GPC3: variants seen among roughly 807,000 people sequenced by gnomAD.
The protein encoded by GPC3 is glypican-3.
A neutral mutation model predicts 34.4 loss-of-function variants in GPC3; 3 were observed. The observed-to-expected ratio is 0.09, with a 90% CI of 0.04 to 0.23. GPC3 has a LOEUF of 0.23. Ranked by LOEUF, GPC3 falls within the 10% of genes least tolerant of loss-of-function variation. The pLI is 1.00. For synonymous variants in GPC3, 177 were observed against 174.0 expected (o/e 1.02, Z -0.13); for missense variants, 351 against 445.6 (o/e 0.79, Z 1.91).
chrX:133,799,130 G>A (rs2075596601), intron 2 of GPC3, among the ~76,000 whole-genome samples: 1 of 112,198 alleles, frequency 8.9e-6, no homozygotes, highest in African/African-American at 3.2e-5. Flanking sequence ...GGTGGCTCAC[G>A]CCTGTAATCT....
chrX:133,796,494 G>C (rs990206432), intron 2 of GPC3, among the ~76,000 whole-genome samples: 1 of 111,868 alleles, frequency 8.9e-6, no homozygotes, highest in Non-Finnish European at 1.9e-5. Context: ...ACAGTAATTA[G>C]AAATTGGGTA....
chrX:133,874,068 C>T (rs910281484), intron 2 of GPC3, among the ~76,000 whole-genome samples: 1 of 111,141 alleles, frequency 9.0e-6, no homozygotes. Flanking sequence ...ATCCAACTTG[C>T]ACCAAAAAAA....
intron 2 of GPC3, among the ~76,000 whole-genome samples, chrX:133,772,146 C>A (rs2071928461): frequency 9.0e-6 from 1 of 111,669 alleles, no homozygotes; most frequent in Admixed American, 9.5e-5. Context: ...AAGAAAAAAA[C>A]TAAACTAAAG....
intron 1 of GPC3, among the ~76,000 whole-genome samples, chrX:133,953,613 T>C (rs765271058): frequency 8.9e-5 from 10 of 112,165 alleles, no homozygotes; most frequent in African/African-American, 2.3e-4. Context: ...CAAGAAACAA[T>C]TTTCAAAATT....
intron 2 of GPC3, among the ~76,000 whole-genome samples, chrX:133,808,135 G>A (rs1402272897): frequency 8.9e-6 from 1 of 112,474 alleles, no homozygotes; most frequent in African/African-American, 3.2e-5. Flanking sequence ...CATGACTTGG[G>A]TACACTATTA....
chrX:133,544,726 C>G (rs1175400381), intron 7 of GPC3, among the ~76,000 whole-genome samples: 1 of 111,598 alleles, frequency 9.0e-6, no homozygotes, highest in African/African-American at 3.3e-5. Context: ...GAGACAGGGT[C>G]TTGCTCTGTT....
chrX:133,951,923 G>A (rs2076394712), intron 2 of GPC3, among the ~76,000 whole-genome samples: 2 of 111,016 alleles, frequency 1.8e-5, no homozygotes, highest in South Asian at 7.7e-4. Context: ...GTTAATTCTT[G>A]TAACAGTGCC....
intron 7 of GPC3, among the ~76,000 whole-genome samples, chrX:133,593,330 C>CAAAAAAAAAAAAAAAAAA (rs756083308): frequency 3.0e-4 from 3 of 9,892 alleles, no homozygotes; most frequent in African/African-American, 6.9e-4. Context: ...GAGACTGTCT[C>CAAAAAAAAAAAAAAAAAA]AAAAAAAAAA....
At chrX:133,574,747 T>C (rs1180371825) in intron 7 of GPC3, among the ~76,000 whole-genome samples, 1 of 112,299 alleles carries the variant, frequency 8.9e-6, no homozygotes, top group Non-Finnish European at 1.9e-5. Flanking sequence ...ACCAAATGAA[T>C]TTAGTCATAT....
chrX:133,588,728 TAAATA>T (rs1442590224), intron 7 of GPC3, among the ~76,000 whole-genome samples: 254 of 111,140 alleles, frequency 2.3e-3, no homozygotes, highest in African/African-American at 8.0e-3. Context: ...AATAAATAAA[TAAATA>T]AATAAAAATA....
intron 3 of GPC3, among the ~76,000 whole-genome samples, chrX:133,701,368 A>G (rs150158061): frequency 0.014 from 1,545 of 112,129 alleles, 23 homozygotes; most frequent in African/African-American, 0.047. Context: ...CATGAGGCAG[A>G]AAAACAGTGG....
At chrX:133,599,480 G>A (rs1266043931) in intron 6 of GPC3, among the ~76,000 whole-genome samples, 1 of 111,465 alleles carries the variant, frequency 9.0e-6, no homozygotes, top group Non-Finnish European at 1.9e-5. Flanking sequence ...GAACCATTGT[G>A]CAAATATCAA....
intron 2 of GPC3, among the ~76,000 whole-genome samples, chrX:133,809,945 G>A (rs998740776): frequency 9.0e-6 from 1 of 111,661 alleles, no homozygotes; most frequent in Non-Finnish European, 1.9e-5. Flanking sequence ...CTATCACCAG[G>A]GCAAGCAAAC....
chrX:133,609,902 T>C (rs969086894), intron 6 of GPC3, among the ~76,000 whole-genome samples: 5 of 112,359 alleles, frequency 4.5e-5, no homozygotes, highest in African/African-American at 1.6e-4. Flanking sequence ...TGGGGTAGCA[T>C]AGCTTGGGTT....
intron 2 of GPC3, among the ~76,000 whole-genome samples, chrX:133,867,272 G>T (rs2075972493): frequency 1.8e-5 from 2 of 110,915 alleles, no homozygotes; most frequent in Admixed American, 1.9e-4. Flanking sequence ...GAAGAAGTTT[G>T]TTACCATCAC....
chrX:133,705,212 T>C (rs776822829), intron 3 of GPC3, among the ~76,000 whole-genome samples: 2 of 111,749 alleles, frequency 1.8e-5, no homozygotes, highest in South Asian at 7.6e-4. Flanking sequence ...TATTTATTTA[T>C]TTATTGAGAC....
chrX:133,784,081 T>C (rs1279627283), intron 2 of GPC3, among the ~76,000 whole-genome samples: 1 of 111,675 alleles, frequency 9.0e-6, no homozygotes, highest in Non-Finnish European at 1.9e-5. Context: ...ATAATGAACA[T>C]GATGAATTTT....
intron 2 of GPC3, among the ~76,000 whole-genome samples, chrX:133,949,254 T>A (rs1286355675): frequency 2.7e-5 from 3 of 112,379 alleles, no homozygotes; most frequent in Non-Finnish European, 5.6e-5. Flanking sequence ...ACAGTGAATG[T>A]AAGTTGGACT....
At chrX:133,674,776 T>C (rs757051508) in intron 5 of GPC3, among the ~76,000 whole-genome samples, 3 of 111,753 alleles carry the variant, frequency 2.7e-5, no homozygotes, top group Non-Finnish European at 5.6e-5. Flanking sequence ...CCACTTTGGA[T>C]ACTGTCACAA....
Sources: gnomAD v4.1 joint callset for allele counts (sites outside exome capture counted in the v4.1 genomes callset) on GRCh38, gnomAD v4.1.1 for gene constraint, MANE v1.5 for transcripts, NCBI Gene and HGNC (gene_info 2026-07-23, HGNC 2026-07-21) for gene names.